NR2C1: variants seen among roughly 807,000 people sequenced by gnomAD.
NR2C1 encodes nuclear receptor subfamily 2 group C member 1, also known as TR2 nuclear hormone receptor.
In NR2C1, 33 loss-of-function variants were observed where a neutral mutation model predicts 74.8. That is an observed-to-expected ratio of 0.44 (90% confidence interval 0.33 to 0.59). The LOEUF is 0.59. Among genes scored for constraint, NR2C1 ranks in the 20% least tolerant of loss-of-function variants. NR2C1 has a pLI of 0.02. For synonymous variants in NR2C1, 225 were observed against 240.6 expected (o/e 0.94, Z 0.60); for missense variants, 568 against 715.6 (o/e 0.79, Z 2.35).
chr12:95,034,304 T>C (rs919360997), intron 10 of NR2C1, among the ~76,000 whole-genome samples: 2 of 152,176 alleles, frequency 1.3e-5, no homozygotes, highest in Non-Finnish European at 2.9e-5. Context: ...AAGTAAAGTT[T>C]AAATGCAAAG....
In NR2C1 at chr12:95,021,959, G is replaced by C. The variant is rs1452197513; in HGVS notation, c.*270C>G. On this transcript the variant is annotated 3_prime_UTR_variant, in exon 14 of 14. Coordinates refer to ENST00000333003, the MANE Select transcript of NR2C1 (RefSeq NM_003297.4). The stretch of plus-strand genomic sequence containing the variant: ...ATGAGCGCTTAGTTTAGATAATCAA[G>C]AGGTGACAGCTTCAGGTATCATCTT... 4 of 255,870 alleles carry C rather than the reference G, an allele frequency of 1.6e-5. No individual in the cohort carries two copies. Among genetic ancestry groups the C allele is most frequent in the Non-Finnish European group, 2.9e-5 (4 of 136,788 alleles). The allele number at this position is 255,870 out of a possible 1,614,324, so 15.8% of individuals were successfully genotyped here.
intron 1 of NR2C1, among the ~76,000 whole-genome samples, chr12:95,072,416 G>A (rs553993061): frequency 7.4e-6 from 1 of 135,340 alleles, no homozygotes; most frequent in East Asian, 2.2e-4. Context: ...TCGCGCCACC[G>A]CACTCCAGCT....
Position 95,040,543 on chromosome 12 carries a change from A to T in NR2C1, c.1186T>A (p.Ser396Thr). The T allele has an allele frequency of 1.2e-6, 2 of 1,613,906 alleles. No individual in the cohort carries two copies. Among genetic ancestry groups the T allele is most frequent in the East Asian group, 4.5e-5 (2 of 44,854 alleles). The change falls in exon 10 of 14, where the codon TCT becomes ACT. Residue 396 changes from serine to threonine, a missense_variant. Physicochemically the swap from Ser to Thr is moderately conservative, Grantham distance 58 (BLOSUM62 1). Transcript: ENST00000333003. ...EYLNVHYIGESASRLLFLSMH... is the reference protein window; with the variant it reads ...EYLNVHYIGETASRLLFLSMH... Reference sequence around the variant, plus strand: ...GATAAGAACAGCAGTCTGGAGGCAGACTCCCCAATGTAGTGCACATTCAGG... The same window carrying T: ...GATAAGAACAGCAGTCTGGAGGCAGTCTCCCCAATGTAGTGCACATTCAGG...
chr12:95,051,867 T>A lies in NR2C1; in HGVS notation c.860A>T (p.Asp287Val), dbSNP rs901011365. Residue 287 changes from aspartate to valine, a missense_variant, in exon 8 of 14, where the codon GAT becomes GTT. By Grantham distance (152) the Asp-to-Val change is radical. Transcript: ENST00000333003. ...CATTTCATTACTATTTTGAGAAAGA[T>A]CTTTAGTTTTTCCAAGATTCGCTAA... Reference protein sequence around the residue: ...TSLANLGKTKDLSQNSNEMSM... With the variant: ...TSLANLGKTKVLSQNSNEMSM... 2 of 1,611,924 alleles carry A rather than the reference T, an allele frequency of 1.2e-6. No homozygotes were observed. Among genetic ancestry groups the A allele is most frequent in the Non-Finnish European group, 1.7e-6 (2 of 1,179,454 alleles).
chr12:95,040,659 C>G, intron 9 of NR2C1, 62 bp from the exon 10 acceptor site: 1 of 1,496,396 alleles, frequency 6.7e-7, no homozygotes, highest in Non-Finnish European at 9.0e-7. Context: ...ATTATCATTT[C>G]TTTGAAAAAG....
Position 95,031,378 on chromosome 12 carries a change from A to G in NR2C1, c.1364T>C (p.Val455Ala), listed in dbSNP as rs774816255. ...TTGAAGACTATTGTGAAGACAATTG[A>G]CAAATGTTGCTAATATAGTTGCTAC... ...MNVATILATFVNCLHNSLQQD... is the reference protein window; with the variant it reads ...MNVATILATFANCLHNSLQQD... The change falls in exon 11 of 14, where the codon GTC becomes GCC. Residue 455 changes from valine to alanine, a missense_variant. Physicochemically the swap from Val to Ala is moderately conservative, Grantham distance 64 (BLOSUM62 0). Around this residue, in one of 6 missense-constraint regions of NR2C1, gnomAD observed 117 missense variants for 186.7 expected, o/e 0.63. Coordinates refer to ENST00000333003, the MANE Select transcript of NR2C1 (RefSeq NM_003297.4). 3.1e-6 allele frequency: 5 copies of G among 1,604,712 alleles called. No homozygotes were observed. The East Asian group carries it at 9.1e-5, about 29-fold the overall frequency.
At chr12:95,062,406 C>A in intron 3 of NR2C1, 102 bp downstream of exon 3, 3 of 735,850 alleles carry the variant, frequency 4.1e-6, no homozygotes, top group Non-Finnish European at 6.7e-6. Context: ...GCATTTTTTT[C>A]CTACTGAATA....
At chr12:95,042,155 A>G (rs1871622602) in intron 9 of NR2C1, among the ~76,000 whole-genome samples, 1 of 151,326 alleles carries the variant, frequency 6.6e-6, no homozygotes, top group South Asian at 2.1e-4. Flanking sequence ...GGGTAGGTAG[A>G]TGTGTCCATA....
At chr12:95,048,686 G>A (rs1872611345) in intron 9 of NR2C1, among the ~76,000 whole-genome samples, 2 of 149,106 alleles carry the variant, frequency 1.3e-5, no homozygotes, top group African/African-American at 2.5e-5. Context: ...GTGCAATGGC[G>A]TGATCTCGGT....
chr12:95,036,466 A>G (rs748530890), intron 10 of NR2C1, among the ~76,000 whole-genome samples: 1 of 151,954 alleles, frequency 6.6e-6, no homozygotes, highest in African/African-American at 2.4e-5. Context: ...TTTTACAAAT[A>G]GGTACAGGTA....
intron 4 of NR2C1, among the ~76,000 whole-genome samples, chr12:95,059,315 A>T (rs908961959): frequency 8.7e-5 from 13 of 149,822 alleles, no homozygotes; most frequent in African/African-American, 2.5e-4. Context: ...AAAAAAAAAA[A>T]TTTTTTTTTT....
At chr12:95,038,198 T>C (rs1213234263) in intron 10 of NR2C1, among the ~76,000 whole-genome samples, 1 of 152,206 alleles carries the variant, frequency 6.6e-6, no homozygotes, top group Non-Finnish European at 1.5e-5. Flanking sequence ...ACTTATTTTA[T>C]AAACAGAAAC....
At chr12:95,051,683 G>C (rs1873026533) in intron 8 of NR2C1, 79 bp downstream of exon 8, 1 of 1,227,906 alleles carries the variant, frequency 8.1e-7, no homozygotes, top group Non-Finnish European at 1.1e-6. Flanking sequence ...TTTATAAATA[G>C]CATTTAACAT....
In NR2C1 at chr12:95,040,557, T is replaced by C; in HGVS notation, c.1172A>G (p.His391Arg). 2 of 1,613,678 alleles carry C rather than the reference T, an allele frequency of 1.2e-6. No homozygotes were observed. The highest frequency in any genetic ancestry group is 1.1e-5 in the South Asian group (1 of 91,010). The change falls in exon 10 of 14, where the codon CAC becomes CGC. Residue 391 changes from histidine to arginine, a missense_variant. His to Arg is a conservative substitution (Grantham distance 29). This residue lies in a region of NR2C1 where 39 missense variants were observed against 64.6 expected (regional missense o/e 0.60). Coordinates refer to ENST00000333003, the MANE Select transcript of NR2C1 (RefSeq NM_003297.4). Reference sequence around the variant, plus strand: ...TCTGGAGGCAGACTCCCCAATGTAGTGCACATTCAGGTACTCAGGCATAGG... The same window carrying C: ...TCTGGAGGCAGACTCCCCAATGTAGCGCACATTCAGGTACTCAGGCATAGG... ...PSPMPEYLNV[H>R]YIGESASRLL...
intron 13 of NR2C1, among the ~76,000 whole-genome samples, chr12:95,022,924 C>T (rs1418886739): frequency 6.6e-6 from 1 of 150,804 alleles, no homozygotes; most frequent in Non-Finnish European, 1.5e-5. Context: ...GCTGGTCTCA[C>T]ACTCTTGGGC....
At position 95,023,293 on chromosome 12, in the gene NR2C1, A is replaced by G. The variant is rs191738986; in HGVS notation, c.1638-890T>C. The stretch of plus-strand genomic sequence containing the variant: ...GGGAGGCTGAGGCAAGAGAATCATG[A>G]GAATTGCTTGAACCTAGGAGGCAGA... On this transcript the variant is annotated intron_variant, in intron 13 of 13. Coordinates refer to ENST00000333003, the MANE Select transcript of NR2C1 (RefSeq NM_003297.4). Among the ~76,000 whole-genome samples, 9 of 152,272 alleles carry G rather than the reference A, an allele frequency of 5.9e-5. No homozygotes were observed. In the East Asian group the frequency reaches 1.7e-3, roughly 29 times the overall value.
chr12:95,054,844 G>T (rs1010554832), intron 7 of NR2C1, among the ~76,000 whole-genome samples: 1 of 151,896 alleles, frequency 6.6e-6, no homozygotes, highest in Non-Finnish European at 1.5e-5. Context: ...TGGAGGGACG[G>T]TCAGCAGATA....
At chr12:95,033,228 A>T (rs565786762) in intron 10 of NR2C1, among the ~76,000 whole-genome samples, 1 of 152,254 alleles carries the variant, frequency 6.6e-6, no homozygotes, top group African/African-American at 2.4e-5. Flanking sequence ...GCCTTCATGA[A>T]AAAAAGGGGA....
intron 4 of NR2C1, 103 bp from the exon 5 acceptor site, chr12:95,058,592 ATTT>A (rs1294749319): frequency 1.1e-6 from 1 of 879,220 alleles, no homozygotes; most frequent in African/African-American, 1.7e-5. Context: ...GATGAAACTG[ATTT>A]TTGAGCTTCT....
Sources: allele counts gnomAD v4.1 joint callset (sites outside exome capture counted in the v4.1 genomes callset), GRCh38; gene constraint gnomAD v4.1.1; regional missense constraint gnomAD v4.1.1; transcripts MANE v1.5; gene names NCBI Gene and HGNC (gene_info 2026-07-23, HGNC 2026-07-21).